RYR3: variants seen among roughly 807,000 people sequenced by gnomAD.
The protein encoded by RYR3 is ryanodine receptor 3.
RYR3 carries 207 observed loss-of-function variants against 584.3 expected under a neutral mutation model. That is an observed-to-expected ratio of 0.35 (90% CI 0.32 to 0.40). The LOEUF is 0.40. Ranked by LOEUF, RYR3 falls within the 10% of genes least tolerant of loss-of-function variation. RYR3 has a pLI of 1.00. For synonymous variants in RYR3, 2,416 were observed against 2,248.5 expected (o/e 1.07, Z -2.11); for missense variants, 5,616 against 6,089.2 (o/e 0.92, Z 2.59).
chr15:33,437,873 C>G (rs1335043858), intron 1 of RYR3, among the ~76,000 whole-genome samples: 3 of 152,180 alleles, frequency 2.0e-5, no homozygotes, highest in Non-Finnish European at 4.4e-5. Flanking sequence ...GCTGGGACTA[C>G]AGACCCACCT....
At chr15:33,694,531 A>T (rs1316444169) in intron 38 of RYR3, among the ~76,000 whole-genome samples, 1 of 147,060 alleles carries the variant, frequency 6.8e-6, no homozygotes, top group African/African-American at 2.4e-5. Flanking sequence ...GGCGTGAGCC[A>T]CTGCGCCTGG....
chr15:33,421,146 TGGA>T (rs2044214966), intron 1 of RYR3, among the ~76,000 whole-genome samples: 1 of 152,208 alleles, frequency 6.6e-6, no homozygotes, highest in South Asian at 2.1e-4. Context: ...CCTGGTGAAT[TGGA>T]GGAGAAACGG....
At chr15:33,693,517 C>G (rs759826077) in intron 38 of RYR3, among the ~76,000 whole-genome samples, 5 of 152,224 alleles carry the variant, frequency 3.3e-5, no homozygotes, top group Non-Finnish European at 7.3e-5. Flanking sequence ...AAAGGGAAAT[C>G]GAGAAGCATA....
At chr15:33,626,435 G>A (rs930496095) in intron 20 of RYR3, among the ~76,000 whole-genome samples, 2 of 152,182 alleles carry the variant, frequency 1.3e-5, no homozygotes, top group African/African-American at 4.8e-5. Flanking sequence ...AGGAAGCAGA[G>A]CGTAAAAGTT....
chr15:33,793,981 TA>T (rs869076834), intron 67 of RYR3, among the ~76,000 whole-genome samples: 1 of 78,554 alleles, frequency 1.3e-5, no homozygotes, highest in Non-Finnish European at 3.0e-5. Flanking sequence ...TATATATAAA[TA>T]AATATATAAA....
chr15:33,827,974 C>T (rs2077467475), intron 85 of RYR3, among the ~76,000 whole-genome samples: 1 of 152,204 alleles, frequency 6.6e-6, no homozygotes. Flanking sequence ...GTGTGTTTTA[C>T]AAATCGAAGG....
chr15:33,696,610 C>T, intron 39 of RYR3, 119 bp downstream of exon 39: 2 of 1,058,054 alleles, frequency 1.9e-6, no homozygotes, highest in Non-Finnish European at 1.4e-6. Flanking sequence ...TGAACTGATT[C>T]CAATTTCACT....
At chr15:33,731,733 T>A in intron 48 of RYR3, 39 bp downstream of exon 48, 2 of 1,368,032 alleles carry the variant, frequency 1.5e-6, no homozygotes, top group Non-Finnish European at 2.1e-6. Context: ...TGTGTATGCA[T>A]CCAGGTCAAC....
intron 67 of RYR3, among the ~76,000 whole-genome samples, chr15:33,790,588 C>T (rs1463133082): frequency 1.3e-5 from 2 of 152,140 alleles, no homozygotes; most frequent in Non-Finnish European, 1.5e-5. Flanking sequence ...CAGGAGATCA[C>T]TTTCAGACGT....
chr15:33,662,866 T>C lies in RYR3; in HGVS notation c.5336T>C (p.Val1779Ala). ...EEVTQVEEKA[V>A]EAGEKAGKEA... ...GTGACCCAGGTGGAGGAGAAGGCTG[T>C]GGAGGCTGGGGAGAAGGCCGGCAAG... Residue 1779 changes from valine to alanine, a missense_variant, in exon 35 of 104, where the codon GTG becomes GCG. Val to Ala is a moderately conservative substitution (Grantham distance 64). This residue lies in a region of RYR3 where 753 missense variants were observed against 741.0 expected (regional missense o/e 1.02). Coordinates refer to ENST00000634891, the MANE Select transcript of RYR3 (RefSeq NM_001036.6). The C allele has an allele frequency of 6.2e-7, 1 of 1,613,688 alleles. No homozygotes were observed. The highest frequency in any genetic ancestry group is 8.5e-7 in the Non-Finnish European group (1 of 1,179,842).
chr15:33,650,912 A>G (rs2062428031), intron 31 of RYR3, among the ~76,000 whole-genome samples: 1 of 152,276 alleles, frequency 6.6e-6, no homozygotes, highest in Non-Finnish European at 1.5e-5. Flanking sequence ...AATAGATGCT[A>G]TAAGCAACAT....
chr15:33,510,738 C>A (rs1292591604), intron 3 of RYR3, among the ~76,000 whole-genome samples: 2 of 151,918 alleles, frequency 1.3e-5, no homozygotes, highest in African/African-American at 4.8e-5. Flanking sequence ...AAATGAGAGG[C>A]CTCCAAACTA....
chr15:33,781,166 T>G (rs941670915), intron 65 of RYR3, among the ~76,000 whole-genome samples: 6 of 152,182 alleles, frequency 3.9e-5, no homozygotes, highest in Non-Finnish European at 8.8e-5. Context: ...TGGAGGGTGC[T>G]TGTATCTGGG....
intron 64 of RYR3, among the ~76,000 whole-genome samples, chr15:33,774,375 C>T (rs376796837): frequency 6.6e-6 from 1 of 152,218 alleles, no homozygotes; most frequent in African/African-American, 2.4e-5. Flanking sequence ...AGAATTCGGT[C>T]TGTGCTTACA....
At chr15:33,387,863 A>G (rs1765703434) in intron 1 of RYR3, among the ~76,000 whole-genome samples, 1 of 152,094 alleles carries the variant, frequency 6.6e-6, no homozygotes, top group African/African-American at 2.4e-5. Context: ...GAGAAAAACA[A>G]TGATGGAGAA....
chr15:33,354,849 C>T (rs573239836), intron 1 of RYR3, among the ~76,000 whole-genome samples: 12 of 152,254 alleles, frequency 7.9e-5, no homozygotes, highest in East Asian at 7.7e-4. Flanking sequence ...AACCACCTTT[C>T]GGCAGCATTC....
chr15:33,647,360 C>G (rs11854070), intron 29 of RYR3, 64 bp from the exon 30 acceptor site: 1 of 1,316,428 alleles, frequency 7.6e-7, no homozygotes, highest in African/African-American at 1.5e-5. Flanking sequence ...ATCAAGTTGC[C>G]TGTCGGAACT....
At chr15:33,473,022 T>C (rs187388466) in intron 1 of RYR3, among the ~76,000 whole-genome samples, 18 of 152,312 alleles carry the variant, frequency 1.2e-4, no homozygotes, top group Admixed American at 1.0e-3. Context: ...GCTCTGATCT[T>C]GTCTGTATTC....
rs759845616 is a variant in RYR3, at chr15:33,865,087, T to C, written c.14518-44T>C. The C allele has an allele frequency of 1.5e-5, 23 of 1,499,236 alleles. No individual in the cohort carries two copies. In the East Asian group the frequency reaches 5.2e-4, roughly 34 times the overall value. 92.9% of individuals were successfully genotyped at this position (1,499,236 alleles called of 1,614,324 possible). A position where few individuals can be genotyped will look rare whatever the true frequency, so the allele number is the denominator to read the frequency against. On this transcript the variant is annotated intron_variant, in intron 103 of 103. Coordinates refer to ENST00000634891, the MANE Select transcript of RYR3 (RefSeq NM_001036.6). ...CAAAAACAAACTGGGTTTTAGCTTT[T>C]ACTGTGGTTTAAAAATAAGCACCCG...
Sources: allele counts gnomAD v4.1 joint callset (sites outside exome capture counted in the v4.1 genomes callset), GRCh38; gene constraint gnomAD v4.1.1; regional missense constraint gnomAD v4.1.1; transcripts MANE v1.5; gene names NCBI Gene and HGNC (gene_info 2026-07-23, HGNC 2026-07-21).